The following CALN1 variants were observed in gnomAD, a reference collection of about 807,000 sequenced individuals.
The protein encoded by CALN1 is calcium-binding protein 8.
A neutral mutation model predicts 30.6 loss-of-function variants in CALN1; 17 were observed. The observed-to-expected ratio is 0.56, with a 90% CI of 0.38 to 0.83. CALN1 has a LOEUF of 0.83. CALN1 is among the 40% of genes least tolerant of loss of function. The pLI, the probability that CALN1 is intolerant of heterozygous loss-of-function variation, is 0.00. For missense variants in CALN1, 291 were observed against 354.9 expected, an observed-to-expected ratio of 0.82 and a Z score of 1.45; for synonymous variants, 156 against 131.4, an observed-to-expected ratio of 1.19 and a Z score of -1.28.
At chr7:72,407,797 G>T (rs554332432) in intron 1 of CALN1, among the ~76,000 whole-genome samples, 2 of 152,218 alleles carry the variant, frequency 1.3e-5, no homozygotes, top group East Asian at 1.9e-4. Flanking sequence ...ATGGGCGCTG[G>T]ACTGGACACA....
chr7:72,322,437 C>G (rs1368958736), intron 2 of CALN1, among the ~76,000 whole-genome samples: 2 of 152,144 alleles, frequency 1.3e-5, no homozygotes, highest in African/African-American at 4.8e-5. Context: ...CAGTCAGTAC[C>G]CATCCATGGC....
chr7:71,866,746 A>G (rs1584404143), intron 5 of CALN1, among the ~76,000 whole-genome samples: 1 of 152,188 alleles, frequency 6.6e-6, no homozygotes, highest in Non-Finnish European at 1.5e-5. Context: ...ATAATTTAGC[A>G]TGATTCTAGA....
chr7:72,139,980 G>A (rs918004552), intron 3 of CALN1, among the ~76,000 whole-genome samples: 1 of 152,086 alleles, frequency 6.6e-6, no homozygotes, highest in Non-Finnish European at 1.5e-5. Context: ...CCACTGTTGG[G>A]GGAGGTTAGG....
chr7:72,488,484 G>T, the CALN1 span, among the ~76,000 whole-genome samples: 2 of 152,186 alleles, frequency 1.3e-5, no homozygotes, highest in African/African-American at 4.8e-5. Flanking sequence ...CAGAATTCCA[G>T]CTAATAAGAG....
chr7:71,994,519 A>AAAAAAAAAAAAAAC (rs1287229491), intron 5 of CALN1, among the ~76,000 whole-genome samples: 1 of 150,756 alleles, frequency 6.6e-6, no homozygotes, highest in African/African-American at 2.4e-5. Flanking sequence ...CTCAAAAAAA[A>AAAAAAAAAAAAAAC]AAAAAAAAAA....
intron 3 of CALN1, among the ~76,000 whole-genome samples, chr7:72,243,989 A>C (rs1301985731): frequency 6.6e-6 from 1 of 152,192 alleles, no homozygotes; most frequent in Non-Finnish European, 1.5e-5. Context: ...TCCAGGAGCT[A>C]CTGTCAAGTC....
intron 3 of CALN1, among the ~76,000 whole-genome samples, chr7:72,151,180 G>A (rs1787214875): frequency 6.6e-6 from 1 of 152,106 alleles, no homozygotes; most frequent in South Asian, 2.1e-4. Context: ...GCTAGAATTT[G>A]CCATCAAGGT....
intron 2 of CALN1, among the ~76,000 whole-genome samples, chr7:72,307,687 T>TG (rs528361158): frequency 4.3e-4 from 65 of 152,238 alleles, no homozygotes; most frequent in African/African-American, 1.5e-3. Flanking sequence ...GCAGATGCCG[T>TG]GGGGAGGTGA....
intron 3 of CALN1, among the ~76,000 whole-genome samples, chr7:72,270,598 C>T (rs1375751582): frequency 6.6e-6 from 1 of 151,676 alleles, no homozygotes; most frequent in African/African-American, 2.4e-5. Context: ...ATAGTGACAC[C>T]CCATCTCTAA....
chr7:72,130,891 A>C (rs1420217496), intron 3 of CALN1, among the ~76,000 whole-genome samples: 2 of 10,740 alleles, frequency 1.9e-4, no homozygotes, highest in East Asian at 0.12. Context: ...TTGAATAAAC[A>C]GGTTATTTTT....
intron 3 of CALN1, among the ~76,000 whole-genome samples, chr7:72,150,079 C>T (rs1563100475): frequency 1.3e-5 from 2 of 148,446 alleles, no homozygotes; most frequent in Non-Finnish European, 3.0e-5. Flanking sequence ...GAGCCGAGAT[C>T]GTGCCACACT....
chr7:72,348,144 CA>C (rs1453751869), intron 2 of CALN1, among the ~76,000 whole-genome samples: 1 of 152,102 alleles, frequency 6.6e-6, no homozygotes, highest in African/African-American at 2.4e-5. Context: ...AAACTAACGG[CA>C]AAAACCTCAA....
At chr7:72,237,833 A>G (rs1169302895) in intron 3 of CALN1, among the ~76,000 whole-genome samples, 1 of 152,204 alleles carries the variant, frequency 6.6e-6, no homozygotes, top group African/African-American at 2.4e-5. Context: ...ACATCAAGGG[A>G]ATGAGGCATG....
At chr7:72,290,244 T>G (rs778071061) in intron 2 of CALN1, among the ~76,000 whole-genome samples, 3 of 152,014 alleles carry the variant, frequency 2.0e-5, no homozygotes, top group Non-Finnish European at 4.4e-5. Flanking sequence ...TTGCCATGTT[T>G]TGACTTTCTA....
chr7:72,090,463 T>A lies in CALN1; in HGVS notation c.388+15688A>T, dbSNP rs6957714. On this transcript the variant is annotated intron_variant, in intron 4 of 6. Coordinates refer to ENST00000395275, the MANE Select transcript of CALN1 (RefSeq NM_031468.4). ...AACATCAAAACCGTCTATTAAAATTTGAGAGATATTACTGAGACTTTTCTC... is the reference window on the plus strand; with the variant it reads ...AACATCAAAACCGTCTATTAAAATTAGAGAGATATTACTGAGACTTTTCTC... 7.9e-3 allele frequency among the ~76,000 whole-genome samples: 1,210 copies of A among 152,286 alleles called. 21 individuals are homozygous for A. The highest frequency in any genetic ancestry group is 0.027 in the African/African-American group (1,136 of 41,568).
intron 2 of CALN1, among the ~76,000 whole-genome samples, chr7:72,314,604 G>A (rs1384723237): frequency 6.6e-6 from 1 of 151,236 alleles, no homozygotes; most frequent in African/African-American, 2.4e-5. Flanking sequence ...TGTATTAGTA[G>A]AGACAGGGTT....
At chr7:71,880,643 G>A (rs1484102886) in intron 5 of CALN1, among the ~76,000 whole-genome samples, 1 of 152,008 alleles carries the variant, frequency 6.6e-6, no homozygotes, top group Non-Finnish European at 1.5e-5. Flanking sequence ...GGGCATCTAA[G>A]GACCATTTCA....
intron 3 of CALN1, among the ~76,000 whole-genome samples, chr7:72,194,541 AAAACAGAAACAG>A (rs1342063306): frequency 6.6e-6 from 1 of 151,996 alleles, no homozygotes; most frequent in Non-Finnish European, 1.5e-5. Flanking sequence ...AACAAAAACA[AAAACAGAAACAG>A]AAACAGGTTT....
intron 3 of CALN1, among the ~76,000 whole-genome samples, chr7:72,240,067 C>T (rs1794731221): frequency 6.6e-6 from 1 of 152,116 alleles, no homozygotes; most frequent in Non-Finnish European, 1.5e-5. Context: ...ATCCTAGCCT[C>T]AAGTTCTAGC....
Sources: gnomAD v4.1 joint callset for allele counts (sites outside exome capture counted in the v4.1 genomes callset) on GRCh38, gnomAD v4.1.1 for gene constraint, MANE v1.5 for transcripts, NCBI Gene and HGNC (gene_info 2026-07-23, HGNC 2026-07-21) for gene names.